Variants in MACROD2 observed in about 807,000 individuals in gnomAD.
MACROD2 encodes the protein ADP-ribose glycohydrolase MACROD2.
MACROD2 carries 36 observed loss-of-function variants against 70.4 expected under a neutral mutation model. That is an observed-to-expected ratio of 0.51 (90% CI 0.39 to 0.68). The LOEUF (loss-of-function observed/expected upper bound fraction) is 0.68. Ranked by LOEUF, MACROD2 falls within the 30% of genes least tolerant of loss-of-function variation. The pLI is 0.00. For synonymous variants in MACROD2, 172 were observed against 178.8 expected, an observed-to-expected ratio of 0.96 and a Z score of 0.30; for missense variants, 496 against 538.4, an observed-to-expected ratio of 0.92 and a Z score of 0.78.
chr20:16,043,920 A>C (rs929479866), intron 16 of MACROD2, among the ~76,000 whole-genome samples: 2 of 152,072 alleles, frequency 1.3e-5, no homozygotes, highest in African/African-American at 4.8e-5. Context: ...GTACATCCAA[A>C]CTGTCAACCC....
chr20:14,589,602 A>G (rs943843479), intron 4 of MACROD2, among the ~76,000 whole-genome samples: 1 of 152,192 alleles, frequency 6.6e-6, no homozygotes. Context: ...TGTTTTAATA[A>G]CATAATTTAA....
At chr20:15,013,512 G>A (rs532375750) in intron 5 of MACROD2, among the ~76,000 whole-genome samples, 32 of 152,208 alleles carry the variant, frequency 2.1e-4, no homozygotes, top group African/African-American at 7.7e-4. Flanking sequence ...ACTGAAGAGA[G>A]CTACCGTGCG....
intron 2 of MACROD2, among the ~76,000 whole-genome samples, chr20:14,009,343 C>A (rs549742984): frequency 6.6e-6 from 1 of 152,164 alleles, no homozygotes; most frequent in Non-Finnish European, 1.5e-5. Flanking sequence ...ATGTGGCCAA[C>A]AAACATATGA....
chr20:14,956,947 A>G (rs2074541875), intron 5 of MACROD2, among the ~76,000 whole-genome samples: 1 of 152,100 alleles, frequency 6.6e-6, no homozygotes, highest in South Asian at 2.1e-4. Context: ...CCTTCAAGAT[A>G]TTTCCTGCCT....
At chr20:14,755,269 A>C (rs1311570160) in intron 5 of MACROD2, among the ~76,000 whole-genome samples, 2 of 151,190 alleles carry the variant, frequency 1.3e-5, no homozygotes, top group Non-Finnish European at 2.9e-5. Flanking sequence ...TGTTCTCACC[A>C]CTCCAGCTTT....
chr20:15,095,792 C>T (rs140710483), intron 5 of MACROD2, among the ~76,000 whole-genome samples: 3,888 of 152,230 alleles, frequency 0.026, 71 homozygotes, highest in Admixed American at 0.04. Flanking sequence ...GCTGGGATTA[C>T]AGGCGTGAGC....
chr20:14,513,514 C>T (rs2085053459), intron 4 of MACROD2, among the ~76,000 whole-genome samples: 1 of 151,974 alleles, frequency 6.6e-6, no homozygotes, highest in Admixed American at 6.6e-5. Flanking sequence ...TTCCTAAGTG[C>T]TTTACACACT....
chr20:14,836,579 A>T (rs534125913), intron 5 of MACROD2, among the ~76,000 whole-genome samples: 28 of 152,056 alleles, frequency 1.8e-4, no homozygotes, highest in Non-Finnish European at 3.7e-4. Context: ...CACTGAAGAG[A>T]TAGAATTAAA....
chr20:15,842,733 G>GATAGATAA (rs1354421576), intron 8 of MACROD2, among the ~76,000 whole-genome samples: 94 of 36,498 alleles, frequency 2.6e-3, no homozygotes, highest in African/African-American at 0.016. Context: ...TAGATAGATA[G>GATAGATAA]ATAGATAGAT....
At chr20:15,703,237 T>A (rs1168098562) in intron 8 of MACROD2, among the ~76,000 whole-genome samples, 1 of 152,198 alleles carries the variant, frequency 6.6e-6, no homozygotes, top group African/African-American at 2.4e-5. Context: ...AAAGATCTGT[T>A]CTAATTATTC....
chr20:15,396,484 A>G (rs1406193001), intron 6 of MACROD2, among the ~76,000 whole-genome samples: 1 of 152,228 alleles, frequency 6.6e-6, no homozygotes, highest in African/African-American at 2.4e-5. Flanking sequence ...TAAATCAGAC[A>G]TAGTTGAGCT....
intron 2 of MACROD2, among the ~76,000 whole-genome samples, chr20:14,077,966 G>A (rs959813563): frequency 1.2e-4 from 18 of 149,618 alleles, no homozygotes; most frequent in Admixed American, 4.0e-4. Context: ...GCAATGGTGC[G>A]ATCTCGGCTC....
chr20:14,781,038 T>C (rs899651946), intron 5 of MACROD2, among the ~76,000 whole-genome samples: 1 of 151,422 alleles, frequency 6.6e-6, no homozygotes, highest in Admixed American at 6.6e-5. Flanking sequence ...ATTTATGATA[T>C]TTTTGTGGTA....
At chr20:14,332,866 T>G (rs1028289368) in intron 3 of MACROD2, among the ~76,000 whole-genome samples, 4 of 152,114 alleles carry the variant, frequency 2.6e-5, no homozygotes, top group Admixed American at 6.6e-5. Flanking sequence ...AGGCTTAAAT[T>G]GCTGCCAAAA....
intron 4 of MACROD2, among the ~76,000 whole-genome samples, chr20:14,654,285 A>G (rs916101578): frequency 4.0e-5 from 6 of 150,094 alleles, no homozygotes; most frequent in Non-Finnish European, 7.4e-5. Flanking sequence ...GGTGGCTCAC[A>G]CCTGTAATCC....
intron 3 of MACROD2, among the ~76,000 whole-genome samples, chr20:14,133,588 T>C (rs570959334): frequency 1.2e-4 from 18 of 152,320 alleles, no homozygotes; most frequent in South Asian, 2.1e-4. Flanking sequence ...AGGTACCATT[T>C]CAGATAGGTT....
At chr20:15,939,133 T>C (rs977237917) in intron 12 of MACROD2, among the ~76,000 whole-genome samples, 1 of 152,224 alleles carries the variant, frequency 6.6e-6, no homozygotes, top group African/African-American at 2.4e-5. Flanking sequence ...CAAGTACTGA[T>C]GTAAAAGCTG....
chr20:14,831,191 T>G (rs2122235628), intron 5 of MACROD2, among the ~76,000 whole-genome samples: 1 of 152,226 alleles, frequency 6.6e-6, no homozygotes, highest in Non-Finnish European at 1.5e-5. Flanking sequence ...ATATGTCTAA[T>G]ATATATTTGT....
intron 8 of MACROD2, among the ~76,000 whole-genome samples, chr20:15,698,462 T>A (rs886861762): frequency 6.6e-6 from 1 of 152,228 alleles, no homozygotes; most frequent in Non-Finnish European, 1.5e-5. Context: ...CTGATAGGTT[T>A]TCCTTCATGG....
Sources: gnomAD v4.1 joint callset for allele counts (sites outside exome capture counted in the v4.1 genomes callset) on GRCh38, gnomAD v4.1.1 for gene constraint, MANE v1.5 for transcripts, NCBI Gene and HGNC (gene_info 2026-07-23, HGNC 2026-07-21) for gene names.